FPR2: variants seen among roughly 807,000 people sequenced by gnomAD.
The protein encoded by FPR2 is formyl peptide receptor 2.
Under a neutral mutation model 4.0 loss-of-function variants are expected in FPR2, and 3 were observed. That is an observed-to-expected ratio of 0.74 (90% CI 0.34 to 1.92). The LOEUF is 1.92. FPR2 is among the 30% of genes most tolerant of loss of function. FPR2 has a pLI of 0.07. For missense variants in FPR2, 372 were observed against 435.7 expected, an observed-to-expected ratio of 0.85 and a Z score of 1.30; for synonymous variants, 179 against 171.5, an observed-to-expected ratio of 1.04 and a Z score of -0.34.
At chr19:51,766,701 T>A (rs2083870258) in intron 1 of FPR2, among the ~76,000 whole-genome samples, 1 of 152,112 alleles carries the variant, frequency 6.6e-6, no homozygotes, top group African/African-American at 2.4e-5. Flanking sequence ...CTGGGCATGA[T>A]GTTGAAAAAA....
intron 1 of FPR2, chr19:51,768,396 C>T (rs987064826): frequency 4.5e-6 from 2 of 449,314 alleles, no homozygotes; most frequent in Admixed American, 3.7e-5. Context: ...TTGTAATCCT[C>T]TTGGTGAAGT....
rs1855995361 is a variant in FPR2 at position 51,769,282 on chromosome 19, TG to T, written c.626del (p.Gly209AlafsTer25). ...TARGIIRFVI[G>X]FSLPMSIVAI... ...CCAGAGGGATTATCCGGTTTGTCAT[TG>T]GCTTTAGCTTGCCGATGTCCATTGT... On this transcript the variant is annotated frameshift_variant, in exon 2 of 2. Coordinates refer to ENST00000340023, the MANE Select transcript of FPR2 (RefSeq NM_001005738.2). LOFTEE classifies it low-confidence loss of function (END_TRUNC). This position sits in a 1 kb window ranked among gnomAD's most constrained non-coding sequence, Gnocchi z 4.4. 1 of 1,614,212 alleles carries T rather than the reference TG, an allele frequency of 6.2e-7. No individual in the cohort carries two copies.
intron 1 of FPR2, chr19:51,768,422 C>G: frequency 2.0e-6 from 1 of 505,788 alleles, no homozygotes; most frequent in Non-Finnish European, 3.5e-6. Flanking sequence ...GCCCGATAAG[C>G]GAAATGCATA....
At chr19:51,767,967 C>T (rs1367890928) in intron 1 of FPR2, among the ~76,000 whole-genome samples, 2 of 151,984 alleles carry the variant, frequency 1.3e-5, no homozygotes, top group Admixed American at 6.6e-5. Flanking sequence ...GCATTCCAAA[C>T]AGAGAAGAGC....
At chr19:51,766,760 T>C (rs1468228376) in intron 1 of FPR2, among the ~76,000 whole-genome samples, 1 of 152,144 alleles carries the variant, frequency 6.6e-6, no homozygotes, top group Non-Finnish European at 1.5e-5. Context: ...GATGGCTGTT[T>C]CCCAATGTTA....
At chr19:51,761,498 G>C (rs1481765737) in intron 1 of FPR2, among the ~76,000 whole-genome samples, 1 of 151,934 alleles carries the variant, frequency 6.6e-6, no homozygotes, top group Non-Finnish European at 1.5e-5. Context: ...TTTTATTTGC[G>C]GGGTTAAATG....
intron 1 of FPR2, among the ~76,000 whole-genome samples, chr19:51,761,848 A>G (rs1483018501): frequency 2.6e-5 from 4 of 152,170 alleles, no homozygotes; most frequent in Non-Finnish European, 5.9e-5. Context: ...GAGGAAGAGC[A>G]TGGTAGGCAG....
At chr19:51,762,205 C>T (rs1462279614) in intron 1 of FPR2, among the ~76,000 whole-genome samples, 1 of 151,592 alleles carries the variant, frequency 6.6e-6, no homozygotes. Context: ...CCTGCCTCAG[C>T]CTCCCAAGTA....
At chr19:51,766,406 C>T (rs1050554430) in intron 1 of FPR2, among the ~76,000 whole-genome samples, 11 of 152,112 alleles carry the variant, frequency 7.2e-5, no homozygotes, top group South Asian at 2.1e-4. Context: ...TCTGCCACAA[C>T]GAAGAATTAC....
At chr19:51,761,625 T>G (rs1220296053) in intron 1 of FPR2, among the ~76,000 whole-genome samples, 2 of 152,134 alleles carry the variant, frequency 1.3e-5, no homozygotes, top group African/African-American at 4.8e-5. Flanking sequence ...CTGTCTCTAC[T>G]AAAAATGCAA....
chr19:51,761,918 A>T (rs938092264), intron 1 of FPR2, among the ~76,000 whole-genome samples: 2 of 152,176 alleles, frequency 1.3e-5, no homozygotes, highest in African/African-American at 2.4e-5. Flanking sequence ...AAGGAATCAG[A>T]GCCCGTTATG....
intron 1 of FPR2, among the ~76,000 whole-genome samples, chr19:51,766,169 C>CG (rs1271057615): frequency 6.6e-6 from 1 of 152,180 alleles, no homozygotes; most frequent in Non-Finnish European, 1.5e-5. Context: ...AATCCACCCC[C>CG]CTTGGCCTCC....
intron 1 of FPR2, among the ~76,000 whole-genome samples, chr19:51,766,184 G>C (rs575768374): frequency 2.5e-4 from 38 of 152,322 alleles, no homozygotes; most frequent in Admixed American, 2.2e-3. Flanking sequence ...GCCTCCCAAA[G>C]TGTTGGGATT....
At chr19:51,768,125 C>G (rs2083878014) in intron 1 of FPR2, among the ~76,000 whole-genome samples, 1 of 152,158 alleles carries the variant, frequency 6.6e-6, no homozygotes, top group Non-Finnish European at 1.5e-5. Context: ...CAACAATAAC[C>G]TCAAGCCAAA....
chr19:51,767,377 T>G (rs1166101952), intron 1 of FPR2, among the ~76,000 whole-genome samples: 1 of 152,080 alleles, frequency 6.6e-6, no homozygotes, highest in Non-Finnish European at 1.5e-5. Context: ...GGGTTTTTGT[T>G]CTTAAAAGAA....
rs201052364 is a variant in FPR2, at chr19:51,769,327, C to T, written c.669C>T (p.Leu223=). 4 of 1,614,176 alleles carry T rather than the reference C, an allele frequency of 2.5e-6. No homozygotes were observed. The highest frequency in any genetic ancestry group is 2.2e-5 in the East Asian group (1 of 44,886). The change falls in exon 2 of 2, where the codon CTC becomes CTT. Residue 223 remains leucine (L), a synonymous_variant. Transcript: ENST00000340023. The surrounding 1 kb of genome is among the most constrained non-coding windows in gnomAD (Gnocchi z 4.4). ...CCATTGTTGCCATCTGCTATGGGCT[C>T]ATTGCAGCCAAGATCCACAAAAAGG... The part of the protein sequence containing the change: ...PMSIVAICYG[L]IAAKIHKKGM...
In FPR2 at chr19:51,765,933, T is replaced by C. The variant is rs200765460; in HGVS notation, c.-14-2712T>C. ...GTAGCTGACTTCAGAGCCCAGTATA[T>C]ATATATATTTTAGACAGAGTCTCGC... is the stretch of plus-strand genomic sequence containing the variant. On this transcript the variant is annotated intron_variant, in intron 1 of 1. Transcript: ENST00000340023. 3.0e-4 allele frequency among the ~76,000 whole-genome samples: 45 copies of C among 152,096 alleles called. 1 individual carries two copies. The East Asian group carries it at 8.1e-3, about 28-fold the overall frequency.
chr19:51,766,044 C>T (rs1036339163), intron 1 of FPR2, among the ~76,000 whole-genome samples: 1 of 152,252 alleles, frequency 6.6e-6, no homozygotes, highest in Non-Finnish European at 1.5e-5. Context: ...CTCAGCCTCC[C>T]GAGTAGCTGG....
chr19:51,768,543 T>C lies in FPR2; in HGVS notation c.-14-102T>C, dbSNP rs1465800248. The C allele has an allele frequency of 9.8e-6, 9 of 916,588 alleles. No individual in the cohort carries two copies. The East Asian group carries it at 2.1e-4, about 22-fold the overall frequency. 56.8% of individuals were successfully genotyped at this position (916,588 alleles called of 1,614,324 possible). A position where few individuals can be genotyped will look rare whatever the true frequency, so the allele number is the denominator to read the frequency against. On this transcript the variant is annotated intron_variant, in intron 1 of 1. Transcript: ENST00000340023. ...GGCTTGGTAGATAGAGTGGGTCTCC[T>C]GGTAGGAGTGGGAGCTTTAGTGGAA...
Sources: gnomAD v4.1 joint callset for allele counts (sites outside exome capture counted in the v4.1 genomes callset) on GRCh38, gnomAD v4.1.1 for gene constraint, Gnocchi (gnomAD v3.1) non-coding constraint, MANE v1.5 for transcripts, NCBI Gene and HGNC (gene_info 2026-07-23, HGNC 2026-07-21) for gene names.